Variants in NRG1 observed in about 807,000 individuals in gnomAD.
NRG1 encodes the protein neuregulin 1, also known as pro-neuregulin-1, membrane-bound isoform.
A neutral mutation model predicts 63.8 loss-of-function variants in NRG1; 18 were observed. The ratio of observed to expected loss-of-function variants is 0.28; its 90% CI spans 0.19 to 0.42. The LOEUF (loss-of-function observed/expected upper bound fraction) is 0.42. Ranked by LOEUF, NRG1 falls within the 10% of genes least tolerant of loss-of-function variation. The pLI is 1.00. For missense variants in NRG1, 762 were observed against 814.7 expected (o/e 0.94, Z 0.79); for synonymous variants, 302 against 301.3 (o/e 1.00, Z -0.02).
At chr8:31,902,822 T>C (rs571647234) in intron 1 of NRG1, among the ~76,000 whole-genome samples, 3 of 152,316 alleles carry the variant, frequency 2.0e-5, no homozygotes, top group East Asian at 1.9e-4. Context: ...CCAACCCACA[T>C]GGCCATGTTA....
intron 1 of NRG1, among the ~76,000 whole-genome samples, chr8:31,990,371 C>T (rs1810852374): frequency 6.6e-6 from 1 of 151,944 alleles, no homozygotes; most frequent in African/African-American, 2.4e-5. Context: ...TTCATTAGTA[C>T]ATGGAAGAGA....
chr8:31,959,794 A>ATTAT (rs202231999), intron 1 of NRG1, among the ~76,000 whole-genome samples: 18 of 122,288 alleles, frequency 1.5e-4, no homozygotes, highest in East Asian at 6.6e-4. Flanking sequence ...TTATTTATTT[A>ATTAT]TTATTTATTT....
intron 4 of NRG1, among the ~76,000 whole-genome samples, chr8:32,616,148 G>A (rs1188373499): frequency 6.6e-6 from 1 of 151,828 alleles, no homozygotes; most frequent in Non-Finnish European, 1.5e-5. Flanking sequence ...TCCGTTCCAT[G>A]CTTTTTTCGG....
At chr8:32,632,439 C>G (rs1307785937) in intron 5 of NRG1, among the ~76,000 whole-genome samples, 1 of 151,624 alleles carries the variant, frequency 6.6e-6, no homozygotes, top group Non-Finnish European at 1.5e-5. Flanking sequence ...ATCCCAGCTA[C>G]TCGGGAGGCT....
chr8:32,605,730 A>C, intron 3 of NRG1, 47 bp downstream of exon 3: 1 of 1,601,462 alleles, frequency 6.2e-7, no homozygotes, highest in Non-Finnish European at 8.5e-7. Flanking sequence ...TAACAAGAGT[A>C]ATCAAAACAT....
chr8:32,511,367 G>GTGTATATATATATA (rs1338353608), intron 1 of NRG1, among the ~76,000 whole-genome samples: 282 of 121,982 alleles, frequency 2.3e-3, no homozygotes, highest in Non-Finnish European at 3.5e-3. Flanking sequence ...ATATATATGT[G>GTGTATATATATATA]TATATATATA....
At chr8:32,748,396 G>T (rs948636653) in intron 7 of NRG1, among the ~76,000 whole-genome samples, 2 of 146,920 alleles carry the variant, frequency 1.4e-5, no homozygotes, top group Non-Finnish European at 3.0e-5. Context: ...GAGAGAGAGA[G>T]ATAAAGGAAG....
chr8:32,020,477 T>C (rs1816250672), intron 1 of NRG1, among the ~76,000 whole-genome samples: 1 of 152,196 alleles, frequency 6.6e-6, no homozygotes, highest in East Asian at 1.9e-4. Flanking sequence ...TTTCCTTTCC[T>C]TGCTTTATTG....
At chr8:31,994,673 A>T (rs1811670206) in intron 1 of NRG1, among the ~76,000 whole-genome samples, 1 of 150,560 alleles carries the variant, frequency 6.6e-6, no homozygotes, top group South Asian at 2.1e-4. Context: ...AAAAAAAAAA[A>T]AAAAAGACTT....
intron 1 of NRG1, among the ~76,000 whole-genome samples, chr8:31,774,806 G>T (rs1283407188): frequency 6.6e-6 from 1 of 152,150 alleles, no homozygotes. Context: ...AAGAAGATAT[G>T]CAAGTTGTCA....
intron 1 of NRG1, among the ~76,000 whole-genome samples, chr8:32,261,484 G>A (rs1166959609): frequency 6.6e-6 from 1 of 151,990 alleles, no homozygotes; most frequent in Admixed American, 6.6e-5. Flanking sequence ...GATAGACATT[G>A]CTGACACATG....
chr8:31,896,630 G>A (rs1585581431), intron 1 of NRG1, among the ~76,000 whole-genome samples: 2 of 152,344 alleles, frequency 1.3e-5, no homozygotes, highest in East Asian at 3.9e-4. Context: ...CCCACTTCCA[G>A]GTTTCTGATT....
intron 1 of NRG1, among the ~76,000 whole-genome samples, chr8:32,552,210 CTTT>C (rs35243877): frequency 8.0e-5 from 10 of 124,734 alleles, no homozygotes; most frequent in Non-Finnish European, 8.3e-5. Flanking sequence ...CGCTTGGCCG[CTTT>C]TTTTTTTTTT....
Position 32,045,024 on chromosome 8 carries a change from C to T in NRG1, c.37+405593C>T, listed in dbSNP as rs578236225. Among the ~76,000 whole-genome samples, 19 of 148,770 alleles carry T rather than the reference C, an allele frequency of 1.3e-4. No homozygotes were observed. In the East Asian group the frequency reaches 3.6e-3, roughly 28 times the overall value. ...AAAACAGTAGAACAAATTAATGAAA[C>T]CAACAGGTGGTTCTTGAAAGAGATT... On this transcript the variant is annotated intron_variant, in intron 1 of 10. Coordinates refer to the NRG1 transcript ENST00000519301.
chr8:32,556,573 T>C (rs1835208103), intron 1 of NRG1, among the ~76,000 whole-genome samples: 1 of 152,216 alleles, frequency 6.6e-6, no homozygotes, highest in Non-Finnish European at 1.5e-5. Flanking sequence ...CTGGCTTTAG[T>C]TATGGAGTAA....
chr8:32,111,022 ATCTT>A (rs1831946089), intron 1 of NRG1, among the ~76,000 whole-genome samples: 1 of 152,184 alleles, frequency 6.6e-6, no homozygotes, highest in Admixed American at 6.5e-5. Context: ...ATATAACACC[ATCTT>A]TCTCCTAACA....
downstream of NRG1, among the ~76,000 whole-genome samples, chr8:32,771,653 A>G (rs1484693595): frequency 6.9e-6 from 1 of 144,702 alleles, no homozygotes; most frequent in Non-Finnish European, 1.5e-5. Flanking sequence ...GATCGACAGT[A>G]TATCTGTTTG....
At chr8:32,178,999 T>A (rs1215661953) in intron 1 of NRG1, among the ~76,000 whole-genome samples, 2 of 151,874 alleles carry the variant, frequency 1.3e-5, no homozygotes, top group African/African-American at 4.8e-5. Context: ...TTTTGACATT[T>A]TAAGTAGAGA....
intron 5 of NRG1, among the ~76,000 whole-genome samples, chr8:32,674,696 T>C (rs983396192): frequency 2.6e-5 from 4 of 152,228 alleles, no homozygotes; most frequent in Non-Finnish European, 5.9e-5. Flanking sequence ...ATAGACACTT[T>C]ACATCTATAG....
Sources: allele counts gnomAD v4.1 joint callset (sites outside exome capture counted in the v4.1 genomes callset), GRCh38; gene constraint gnomAD v4.1.1; transcripts MANE v1.5; gene names NCBI Gene and HGNC (gene_info 2026-07-23, HGNC 2026-07-21).